Variants in RPH3AL observed in about 807,000 individuals in gnomAD.
RPH3AL encodes rabphilin 3A like (without C2 domains).
A neutral mutation model predicts 43.1 loss-of-function variants in RPH3AL; 38 were observed. The observed-to-expected ratio is 0.88, with a 90% CI of 0.68 to 1.15. The LOEUF (loss-of-function observed/expected upper bound fraction) is 1.15. Ranked by LOEUF, RPH3AL falls within the 50% of genes most tolerant of loss-of-function variation. The probability of loss-of-function intolerance (pLI) is 0.00; values close to 1 mark genes in which losing one functional copy is unlikely to be tolerated. For missense variants in RPH3AL, 462 were observed against 423.2 expected (o/e 1.09, Z -0.81); for synonymous variants, 189 against 176.3 (o/e 1.07, Z -0.57).
rs1398363561 is a variant in RPH3AL at position 290,325 on chromosome 17, G to C, written c.352-8471C>G. Among the ~76,000 whole-genome samples the C allele has an allele frequency of 6.6e-6, 1 of 152,216 alleles. No homozygotes were observed. Among genetic ancestry groups the C allele is most frequent in the African/African-American group, 2.4e-5 (1 of 41,450 alleles). On this transcript the variant is annotated intron_variant, in intron 5 of 9. Coordinates refer to ENST00000331302, the MANE Select transcript of RPH3AL (RefSeq NM_006987.4). This position sits in a 1 kb window ranked among gnomAD's most constrained non-coding sequence, Gnocchi z 4.2. Reference sequence around the variant, plus strand: ...GGTGGCCAGGTGGGCCTCAGTCTCAGGGTATGGAGCATAAACCCAGGCTGG... The same window carrying C: ...GGTGGCCAGGTGGGCCTCAGTCTCACGGTATGGAGCATAAACCCAGGCTGG...
At chr17:316,193 T>C (rs796948362) in intron 5 of RPH3AL, among the ~76,000 whole-genome samples, 13 of 18,534 alleles carry the variant, frequency 7.0e-4, no homozygotes, top group South Asian at 2.4e-3. Flanking sequence ...CACTGACCTG[T>C]AGTTCCTGTG....
In RPH3AL at chr17:264,008, C is replaced by G. The variant is rs534824898; in HGVS notation, c.439-16723G>C. 9.1e-4 allele frequency among the ~76,000 whole-genome samples: 138 copies of G among 152,240 alleles called. 1 individual carries two copies. Among genetic ancestry groups the G allele is most frequent in the African/African-American group, 3.2e-3 (135 of 41,544 alleles). On this transcript the variant is annotated intron_variant, in intron 6 of 9. Transcript: ENST00000331302. The surrounding 1 kb of genome is among the most constrained non-coding windows in gnomAD (Gnocchi z 4.8). ...CTGAGGGTATCGTGCTGTTAGCGGA[C>G]GCGATGCTGCTTTCCAAGATGGCTG...
chr17:348,188 G>A (rs1410999976), intron 1 of RPH3AL, among the ~76,000 whole-genome samples: 2 of 151,902 alleles, frequency 1.3e-5, no homozygotes, highest in Non-Finnish European at 2.9e-5. Context: ...TGACATTCTG[G>A]AAAAGGCCAA....
At chr17:351,400 T>G (rs760529350) in intron 1 of RPH3AL, among the ~76,000 whole-genome samples, 2 of 152,024 alleles carry the variant, frequency 1.3e-5, no homozygotes, top group Non-Finnish European at 1.5e-5. Flanking sequence ...AGACTGACGG[T>G]CCTCCACAAT....
At chr17:239,604 T>C (rs1363111069) in intron 7 of RPH3AL, among the ~76,000 whole-genome samples, 2 of 152,170 alleles carry the variant, frequency 1.3e-5, no homozygotes, top group Non-Finnish European at 2.9e-5. Flanking sequence ...TTCTTTCCAC[T>C]ACCCTCCCGA....
At chr17:304,986 GGA>G (rs1491561924) in intron 5 of RPH3AL, among the ~76,000 whole-genome samples, 8 of 45,462 alleles carry the variant, frequency 1.8e-4, no homozygotes, top group Non-Finnish European at 3.6e-4. Context: ...GGCGGGAGGG[GGA>G]CAGGGCGAGA....
intron 5 of RPH3AL, among the ~76,000 whole-genome samples, chr17:315,708 CCT>C (rs2044052816): frequency 4.7e-5 from 7 of 150,092 alleles, no homozygotes; most frequent in African/African-American, 1.7e-4. Context: ...GACCTGTAGT[CCT>C]TGTGCCCCAC....
intron 5 of RPH3AL, among the ~76,000 whole-genome samples, chr17:285,245 T>C (rs1382174993): frequency 2.0e-5 from 3 of 152,180 alleles, no homozygotes; most frequent in Non-Finnish European, 2.9e-5. Context: ...CCAGATCCTG[T>C]TCCTGAGACG....
At chr17:286,953 G>GTCAGACCTCGCACCCTCTCTCTCCGCCA (rs2042931778) in intron 5 of RPH3AL, among the ~76,000 whole-genome samples, 1 of 66,692 alleles carries the variant, frequency 1.5e-5, no homozygotes, top group African/African-American at 4.8e-5. Context: ...TCTCTCCACC[G>GTCAGACCTCGCACCCTCTCTCTCCGCCA]TCAGACCTCG....
rs902066373 is a variant in RPH3AL at position 219,709 on chromosome 17, G to A, written c.641C>T (p.Ser214Leu). Residue 214 changes from serine to leucine, a missense_variant, in exon 8 of 10, where the codon TCG becomes TTG. Physicochemically the swap from Ser to Leu is moderately radical, Grantham distance 145. Coordinates refer to ENST00000331302, the MANE Select transcript of RPH3AL (RefSeq NM_006987.4). The part of the protein sequence containing the change: ...RVVSSDSDSD[S>L]DLSSSSLEDR... ...CTCTAGGCTGGAGGAGCTAAGATCC[G>A]AGTCACTGTCACTGTCACTGGAAAC... 5.0e-6 allele frequency: 8 copies of A among 1,613,360 alleles called. No homozygotes were observed. Among genetic ancestry groups the A allele is most frequent in the South Asian group, 3.3e-5 (3 of 91,054 alleles).
chr17:301,967 C>G (rs2043339794), intron 5 of RPH3AL, among the ~76,000 whole-genome samples: 1 of 152,232 alleles, frequency 6.6e-6, no homozygotes, highest in Non-Finnish European at 1.5e-5. Flanking sequence ...ATGTCAGGCA[C>G]AGCGGCTCTC....
rs573064078 is a variant in RPH3AL at position 217,207 on chromosome 17, C to T, written c.728-1405G>A. Among the ~76,000 whole-genome samples the T allele has an allele frequency of 3.8e-3, 543 of 143,040 alleles. 1 individual carries two copies. The highest frequency in any genetic ancestry group is 0.014 in the African/African-American group (503 of 36,904). The allele number at this position is 143,040 out of a possible 152,430, so 93.8% of individuals were successfully genotyped here. On this transcript the variant is annotated intron_variant, in intron 8 of 9. Coordinates refer to ENST00000331302, the MANE Select transcript of RPH3AL (RefSeq NM_006987.4). ...AAAATTGGCCTCACTGAAATCAGGA[C>T]CCCCAAGGCATTTCGTTCCCATCTG...
intron 5 of RPH3AL, among the ~76,000 whole-genome samples, chr17:304,364 C>T (rs548391268): frequency 4.6e-5 from 7 of 151,850 alleles, no homozygotes; most frequent in Non-Finnish European, 8.8e-5. Context: ...GCCGGGAGGA[C>T]GCAGGGAGGC....
chr17:326,280 G>A lies in RPH3AL; in HGVS notation c.77+1187C>T, dbSNP rs189237334. Among the ~76,000 whole-genome samples the A allele has an allele frequency of 8.7e-4, 132 of 152,338 alleles. No homozygotes were observed. The Middle Eastern group carries it at 0.017, about 20-fold the overall frequency. On this transcript the variant is annotated intron_variant, in intron 3 of 9. Transcript: ENST00000331302. ...TGACTCCGCTCTCCTGGGGCGTTTC[G>A]AATTAATCTTTCCATCCCCCTTTGA...
At chr17:307,800 C>T (rs994553732) in intron 5 of RPH3AL, among the ~76,000 whole-genome samples, 5 of 152,238 alleles carry the variant, frequency 3.3e-5, no homozygotes, top group African/African-American at 1.2e-4. Flanking sequence ...AAGATAGCTG[C>T]TCCTTCTTTC....
chr17:271,540 T>C (rs1325765281), intron 6 of RPH3AL, among the ~76,000 whole-genome samples: 1 of 152,344 alleles, frequency 6.6e-6, no homozygotes, highest in South Asian at 2.1e-4. Context: ...TTGAAGCAAT[T>C]GTGAATGGGA....
chr17:321,490 A>C, intron 3 of RPH3AL, 75 bp from the exon 4 acceptor site: 1 of 1,424,528 alleles, frequency 7.0e-7, no homozygotes, highest in Non-Finnish European at 9.3e-7. Context: ...ACATCCACCA[A>C]GCCCCCCCGA....
rs553964426 is a variant in RPH3AL at position 327,415 on chromosome 17, G to A, written c.77+52C>T. 1.5e-5 allele frequency: 22 copies of A among 1,475,126 alleles called. No homozygotes were observed. The Middle Eastern group carries it at 5.2e-4, about 35-fold the overall frequency. The allele number at this position is 1,475,126 out of a possible 1,614,324, so 91.4% of individuals were successfully genotyped here. Reference sequence around the variant, plus strand: ...ATGAATCTTGCTGAAGACAGGAGAGGAGCAGGGAGGCAGAAGGAAGGGACG... The same window carrying A: ...ATGAATCTTGCTGAAGACAGGAGAGAAGCAGGGAGGCAGAAGGAAGGGACG... On this transcript the variant is annotated intron_variant, in intron 3 of 9. Coordinates refer to ENST00000331302, the MANE Select transcript of RPH3AL (RefSeq NM_006987.4).
chr17:331,545 A>G, intron 2 of RPH3AL: 1 of 1,253,452 alleles, frequency 8.0e-7, no homozygotes, highest in Admixed American at 2.4e-5. Context: ...CGCACGGAGC[A>G]ACCTCGGGAC....
Sources: gnomAD v4.1 joint callset for allele counts (sites outside exome capture counted in the v4.1 genomes callset) on GRCh38, gnomAD v4.1.1 for gene constraint, Gnocchi (gnomAD v3.1) non-coding constraint, MANE v1.5 for transcripts, NCBI Gene and HGNC (gene_info 2026-07-23, HGNC 2026-07-21) for gene names.